HMCN2: variants seen among roughly 807,000 people sequenced by gnomAD.
HMCN2 encodes the protein hemicentin 2.
Under a neutral mutation model 377.5 loss-of-function variants are expected in HMCN2, and 325 were observed. That is an observed-to-expected ratio of 0.86 (90% CI 0.79 to 0.94). HMCN2 has a LOEUF of 0.94. Among genes scored for constraint, HMCN2 ranks in the 40% least tolerant of loss-of-function variants. HMCN2 has a pLI of 0.00. For missense variants in HMCN2, 4,543 were observed against 4,725.3 expected (o/e 0.96, Z 1.13); for synonymous variants, 2,007 against 2,046.8 (o/e 0.98, Z 0.53).
Position 130,308,268 on chromosome 9 carries a change from G to T in HMCN2, c.2200+702G>T, listed in dbSNP as rs563036296. ...CACTGTGCCTGGCCATATGTGCAAA[G>T]GTTTTAGAACAAGCTTGGCACATGT... On this transcript the variant is annotated intron_variant, in intron 14 of 97. Coordinates refer to ENST00000683500, the MANE Select transcript of HMCN2 (RefSeq NM_001291815.2). The surrounding 1 kb of genome is among the most constrained non-coding windows in gnomAD (Gnocchi z 4.1). Among the ~76,000 whole-genome samples the T allele has an allele frequency of 6.6e-6, 1 of 152,306 alleles. No individual in the cohort carries two copies. Among genetic ancestry groups the T allele is most frequent in the Admixed American group, 6.5e-5 (1 of 15,298 alleles).
In HMCN2 at chr9:130,360,925, C is replaced by T. The variant is rs1840355429; in HGVS notation, c.5950+321C>T. ...TCATCCATCCATTTATCCACCCAAC[C>T]ATCCTTTCATTCATTTATCTACCCA... On this transcript the variant is annotated intron_variant, in intron 38 of 97. Transcript: ENST00000683500. This position sits in a 1 kb window ranked among gnomAD's most constrained non-coding sequence, Gnocchi z 4.7. 6.6e-6 allele frequency among the ~76,000 whole-genome samples: 1 copy of T among 151,836 alleles called. No individual in the cohort carries two copies. The highest frequency in any genetic ancestry group is 1.5e-5 in the Non-Finnish European group (1 of 67,960).
At chr9:130,392,235 A>C in intron 66 of HMCN2, 117 bp downstream of exon 66, 1 of 713,836 alleles carries the variant, frequency 1.4e-6, no homozygotes, top group Non-Finnish European at 1.7e-6. Flanking sequence ...TCCCCACCCC[A>C]CAGCGAGTGT....
At chr9:130,420,541 G>C (rs1166717373) in intron 86 of HMCN2, among the ~76,000 whole-genome samples, 1 of 152,130 alleles carries the variant, frequency 6.6e-6, no homozygotes, top group Non-Finnish European at 1.5e-5. Flanking sequence ...TTGTCTCATA[G>C]TTCTGGAGGC....
In HMCN2 at chr9:130,304,880, C is replaced by T. The variant is rs1250905761; in HGVS notation, c.1694C>T (p.Ala565Val). 8 of 471,020 alleles carry T rather than the reference C, an allele frequency of 1.7e-5. No homozygotes were observed. In the Admixed American group the frequency reaches 1.9e-4, roughly 11 times the overall value. 29.2% of individuals were successfully genotyped at this position (471,020 alleles called of 1,614,324 possible). ...CTGCCGGCCTCGACGGGCCGAGTTG[C>T]CCAGCTGGCTGACCTGTCCCTGGAG... is the stretch of plus-strand genomic sequence containing the variant. The part of the protein sequence containing the change: ...RVLPASTGRV[A>V]QLADLSLEIS... The change falls in exon 11 of 98, where the codon GCC becomes GTC. Residue 565 changes from alanine (A) to valine (V), a missense_variant. Around this residue, in one of 5 missense-constraint regions of HMCN2, gnomAD observed 547 missense variants for 189.9 expected, o/e 2.88. Coordinates refer to ENST00000683500, the MANE Select transcript of HMCN2 (RefSeq NM_001291815.2). The surrounding 1 kb of genome is among the most constrained non-coding windows in gnomAD (Gnocchi z 4.3).
chr9:130,298,952 G>A (rs1836319180), intron 7 of HMCN2, 73 bp from the exon 8 acceptor site: 1 of 409,064 alleles, frequency 2.4e-6, no homozygotes, highest in African/African-American at 2.1e-5. Flanking sequence ...TGTGGTTCGA[G>A]GGCCCCTACT....
chr9:130,404,922 C>T lies in HMCN2; in HGVS notation c.12202C>T (p.His4068Tyr). 1 of 1,288,004 alleles carries T rather than the reference C, an allele frequency of 7.8e-7. No homozygotes were observed. Among genetic ancestry groups the T allele is most frequent in the Non-Finnish European group, 1.0e-6 (1 of 987,972 alleles). The allele number at this position is 1,288,004 out of a possible 1,614,324, so 79.8% of individuals were successfully genotyped here. A position where few individuals can be genotyped will look rare whatever the true frequency, so the allele number is the denominator to read the frequency against. The change falls in exon 81 of 98, where the codon CAC (histidine) becomes TAC (tyrosine). Residue 4068 changes from histidine to tyrosine, a missense_variant. This residue lies in a region of HMCN2 where 1,073 missense variants were observed against 1,319.5 expected (regional missense o/e 0.81). Transcript: ENST00000683500. Reference protein sequence around the residue: ...LPDLSTTEGSHAFLPCKARGS... With the variant: ...LPDLSTTEGSYAFLPCKARGS... Reference sequence around the variant, plus strand: ...AGACCTGTCCACCACCGAAGGCTCCCACGCCTTCTTGCCTTGCAAGGCGAG... The same window carrying T: ...AGACCTGTCCACCACCGAAGGCTCCTACGCCTTCTTGCCTTGCAAGGCGAG...
rs1844133199 is a variant in HMCN2, at chr9:130,423,474, A to G, written c.13381+748A>G. Among the ~76,000 whole-genome samples the G allele has an allele frequency of 6.6e-6, 1 of 152,186 alleles. No individual in the cohort carries two copies. Among genetic ancestry groups the G allele is most frequent in the Non-Finnish European group, 1.5e-5 (1 of 68,030 alleles). ...GTCAGCAGACAGCAGATGAAGCGAG[A>G]CGCTGCCCAGACATGGCTGCTTATT... On this transcript the variant is annotated intron_variant, in intron 87 of 97. Transcript: ENST00000683500. The surrounding 1 kb of genome is among the most constrained non-coding windows in gnomAD (Gnocchi z 5.5).
At chr9:130,358,584 GT>G in intron 36 of HMCN2, 98 bp downstream of exon 36, 1 of 1,127,882 alleles carries the variant, frequency 8.9e-7, no homozygotes, top group Non-Finnish European at 1.2e-6. Context: ...GGGGGAGGAG[GT>G]TTTTCAGTCA....
chr9:130,384,966 G>A (rs11244109), intron 59 of HMCN2, among the ~76,000 whole-genome samples, 168 bp downstream of exon 59: 133,411 of 152,160 alleles, frequency 0.88, 59,932 homozygotes, highest in Non-Finnish European at 0.97. Flanking sequence ...ACGGGCCCCA[G>A]GAGCCTGGCT....
chr9:130,417,325 C>T (rs144838839), intron 85 of HMCN2, among the ~76,000 whole-genome samples: 64 of 151,890 alleles, frequency 4.2e-4, no homozygotes, highest in African/African-American at 1.5e-3. Context: ...AGTTTGAGAC[C>T]AGCATGATCA....
Position 130,395,044 on chromosome 9 carries a change from G to C in HMCN2, c.10710G>C (p.Leu3570=). ...VENVQVRDAG[L]YTCLAESPAG... is the part of the protein sequence containing the mutation. ...ATCCCCAGGTTAGGGATGCTGGGCTGTACACTTGTCTGGCTGAAAGCCCTG... is the reference window on the plus strand; with the variant it reads ...ATCCCCAGGTTAGGGATGCTGGGCTCTACACTTGTCTGGCTGAAAGCCCTG... The change falls in exon 70 of 98, where the codon CTG becomes CTC. Residue 3570 remains leucine, a synonymous_variant. Transcript: ENST00000683500. 1 of 1,282,000 alleles carries C rather than the reference G, an allele frequency of 7.8e-7. No individual in the cohort carries two copies. Among genetic ancestry groups the C allele is most frequent in the South Asian group, 1.2e-5 (1 of 80,690 alleles). 79.4% of individuals were successfully genotyped at this position (1,282,000 alleles called of 1,614,324 possible).
rs782313287 is a variant in HMCN2, at chr9:130,294,956, C to A, written c.714C>A (p.Asp238Glu). 6.4e-6 allele frequency: 3 copies of A among 470,836 alleles called. No homozygotes were observed. 29.2% of individuals were successfully genotyped at this position (470,836 alleles called of 1,614,324 possible). ...EGEHTWRLPF[D>E]PSLKEVTISL... Reference sequence around the variant, plus strand: ...AGCACACATGGAGACTCCCCTTTGACCCCAGCCTGAAGGAGGTCACCATCT... The same window carrying A: ...AGCACACATGGAGACTCCCCTTTGAACCCAGCCTGAAGGAGGTCACCATCT... The change falls in exon 5 of 98, where the codon GAC becomes GAA. Residue 238 changes from aspartate to glutamate, a missense_variant. This residue lies in a region of HMCN2 where 547 missense variants were observed against 189.9 expected (regional missense o/e 2.88). Transcript: ENST00000683500.
chr9:130,298,917 G>A, intron 7 of HMCN2, 108 bp from the exon 8 acceptor site: 1 of 376,202 alleles, frequency 2.7e-6, no homozygotes, highest in Middle Eastern at 4.5e-4. Context: ...AGGTAGGAAG[G>A]GCCAGGCAAG....
At chr9:130,333,668 C>T (rs1838553211) in intron 22 of HMCN2, among the ~76,000 whole-genome samples, 2 of 152,340 alleles carry the variant, frequency 1.3e-5, no homozygotes, top group South Asian at 4.1e-4. Context: ...CCCTTTCTCC[C>T]ATCTCTCCGC....
At chr9:130,333,786 C>T (rs1838563088) in intron 22 of HMCN2, among the ~76,000 whole-genome samples, 2 of 152,328 alleles carry the variant, frequency 1.3e-5, no homozygotes, top group South Asian at 4.1e-4. Context: ...GGTAGGCTGC[C>T]CTCGAAACCC....
At chr9:130,364,105 T>C (rs1181479502) in intron 40 of HMCN2, among the ~76,000 whole-genome samples, 1 of 152,224 alleles carries the variant, frequency 6.6e-6, no homozygotes, top group Non-Finnish European at 1.5e-5. Flanking sequence ...AAGATGGTGG[T>C]TAATACATAT....
Position 130,349,763 on chromosome 9 carries a change from C to G in HMCN2, c.4430+100C>G, listed in dbSNP as rs543053039. The G allele has an allele frequency of 2.5e-5, 29 of 1,152,946 alleles. 1 individual carries two copies. In the South Asian group the frequency reaches 3.4e-4, roughly 14 times the overall value. The allele number at this position is 1,152,946 out of a possible 1,614,324, so 71.4% of individuals were successfully genotyped here. On this transcript the variant is annotated intron_variant, in intron 29 of 97. Transcript: ENST00000683500. ...GGTTGAACTCTTCTTGGGGAGCTGA[C>G]AGGCATGGCATGTGCCACCCAGGGC... is the stretch of plus-strand genomic sequence containing the variant.
At position 130,347,615 on chromosome 9, in the gene HMCN2, A is replaced by C. The variant is rs2131505647; in HGVS notation, c.4024+255A>C. On this transcript the variant is annotated intron_variant, in intron 26 of 97. Transcript: ENST00000683500. The surrounding 1 kb of genome is among the most constrained non-coding windows in gnomAD (Gnocchi z 5.1). ...GGGGGCTGGGAGAGTGGCAGGTTGC[A>C]CTGTACACCCCACTTCCCTAGAGAG... Among the ~76,000 whole-genome samples the C allele has an allele frequency of 6.6e-6, 1 of 152,258 alleles. No individual in the cohort carries two copies. The highest frequency in any genetic ancestry group is 1.9e-4 in the East Asian group (1 of 5,176).
chr9:130,404,237 C>T (rs950666453), intron 80 of HMCN2, among the ~76,000 whole-genome samples: 2 of 152,192 alleles, frequency 1.3e-5, no homozygotes, highest in Non-Finnish European at 2.9e-5. Context: ...TCTGCAAAGT[C>T]TGCTGGGAAT....
Sources: allele counts gnomAD v4.1 joint callset (sites outside exome capture counted in the v4.1 genomes callset), GRCh38; gene constraint gnomAD v4.1.1; regional missense constraint gnomAD v4.1.1; non-coding constraint Gnocchi (gnomAD v3.1); transcripts MANE v1.5; gene names NCBI Gene and HGNC (gene_info 2026-07-23, HGNC 2026-07-21).